The following GTF2E1 variants were observed in gnomAD, a reference collection of about 807,000 sequenced individuals.
GTF2E1 encodes general transcription factor IIE subunit 1, also known as TFIIE alpha subunit.
GTF2E1 carries 14 observed loss-of-function variants against 34.9 expected under a neutral mutation model. That is an observed-to-expected ratio of 0.40 (90% CI 0.27 to 0.63). The LOEUF (loss-of-function observed/expected upper bound fraction) is 0.63, where lower values mean the gene tolerates loss of function less well. Ranked by LOEUF, GTF2E1 falls within the 20% of genes least tolerant of loss-of-function variation. The pLI is 0.39. For missense variants in GTF2E1, 469 were observed against 557.7 expected, an observed-to-expected ratio of 0.84 and a Z score of 1.60; for synonymous variants, 188 against 192.9, an observed-to-expected ratio of 0.97 and a Z score of 0.21.
intron 2 of GTF2E1, among the ~76,000 whole-genome samples, chr3:120,759,497 T>C (rs1464433618): frequency 1.3e-5 from 2 of 152,158 alleles, no homozygotes; most frequent in Admixed American, 1.3e-4. Context: ...GGTGTTTTAG[T>C]CATGAAGTCT....
At chr3:120,768,094 G>T (rs1418752615) in intron 2 of GTF2E1, among the ~76,000 whole-genome samples, 1 of 152,042 alleles carries the variant, frequency 6.6e-6, no homozygotes, top group Non-Finnish European at 1.5e-5. Flanking sequence ...TTTAAAATTC[G>T]GGTATAACAT....
chr3:120,752,717 G>A (rs1709176168), intron 2 of GTF2E1, among the ~76,000 whole-genome samples: 2 of 152,136 alleles, frequency 1.3e-5, no homozygotes, highest in South Asian at 4.1e-4. Flanking sequence ...AGGAGTTAGG[G>A]TAGAGGGCAT....
At chr3:120,760,605 A>G (rs1178892029) in intron 2 of GTF2E1, among the ~76,000 whole-genome samples, 6 of 152,106 alleles carry the variant, frequency 3.9e-5, no homozygotes. Flanking sequence ...GTCCATCAAT[A>G]CCTAGTTTAT....
chr3:120,757,005 A>C (rs1709215559), intron 2 of GTF2E1, among the ~76,000 whole-genome samples: 1 of 152,044 alleles, frequency 6.6e-6, no homozygotes, highest in Non-Finnish European at 1.5e-5. Flanking sequence ...AAGCTAATTT[A>C]TTTGCTTATT....
chr3:120,771,367 C>T (rs955326859), intron 3 of GTF2E1, among the ~76,000 whole-genome samples: 1 of 152,014 alleles, frequency 6.6e-6, no homozygotes, highest in Non-Finnish European at 1.5e-5. Context: ...TTGCAACTTC[C>T]TTGAAAGTAA....
At chr3:120,758,787 A>G (rs559150135) in intron 2 of GTF2E1, among the ~76,000 whole-genome samples, 2 of 152,282 alleles carry the variant, frequency 1.3e-5, no homozygotes, top group South Asian at 2.1e-4. Flanking sequence ...TCCATGGTGT[A>G]TATGTGCCAC....
intron 2 of GTF2E1, among the ~76,000 whole-genome samples, chr3:120,754,895 A>G (rs1395366432): frequency 1.3e-5 from 2 of 152,182 alleles, no homozygotes; most frequent in African/African-American, 4.8e-5. Flanking sequence ...ATGTGGGTGC[A>G]CATGGACATG....
At chr3:120,757,750 A>G (rs773419168) in intron 2 of GTF2E1, among the ~76,000 whole-genome samples, 4 of 152,246 alleles carry the variant, frequency 2.6e-5, no homozygotes, top group African/African-American at 4.8e-5. Flanking sequence ...AAAGGACTTG[A>G]TAATGCTTTC....
At chr3:120,775,082 G>A (rs1263467587) in intron 3 of GTF2E1, among the ~76,000 whole-genome samples, 3 of 152,062 alleles carry the variant, frequency 2.0e-5, no homozygotes, top group South Asian at 2.1e-4. Context: ...TCAGATACAC[G>A]GACACAGACC....
intron 2 of GTF2E1, among the ~76,000 whole-genome samples, chr3:120,756,422 A>G (rs1299809571): frequency 6.7e-6 from 1 of 149,912 alleles, no homozygotes; most frequent in Admixed American, 6.6e-5. Flanking sequence ...GGGTTAGACA[A>G]TTATGCCACA....
intron 2 of GTF2E1, among the ~76,000 whole-genome samples, chr3:120,762,285 C>G (rs1011083486): frequency 6.6e-6 from 1 of 152,036 alleles, no homozygotes; most frequent in Non-Finnish European, 1.5e-5. Flanking sequence ...CCTTCTGTCT[C>G]GTTGATCTGT....
intron 2 of GTF2E1, among the ~76,000 whole-genome samples, chr3:120,751,652 A>G (rs1289847725): frequency 6.6e-6 from 1 of 152,230 alleles, no homozygotes; most frequent in African/African-American, 2.4e-5. Flanking sequence ...TGAAAATACA[A>G]TATGTCTAGC....
intron 4 of GTF2E1, among the ~76,000 whole-genome samples, chr3:120,777,106 A>C (rs900127729): frequency 7.2e-5 from 11 of 152,336 alleles, no homozygotes; most frequent in Admixed American, 6.5e-4. Context: ...AATAGATACA[A>C]AGAGACCACA....
chr3:120,745,397 G>C (rs1401373648), intron 1 of GTF2E1, among the ~76,000 whole-genome samples: 1 of 152,182 alleles, frequency 6.6e-6, no homozygotes, highest in Non-Finnish European at 1.5e-5. Flanking sequence ...TGAGCAATAA[G>C]TGGCACAGGG....
intron 2 of GTF2E1, among the ~76,000 whole-genome samples, chr3:120,760,118 T>G (rs1356790175): frequency 6.6e-6 from 1 of 152,192 alleles, no homozygotes; most frequent in Non-Finnish European, 1.5e-5. Context: ...CGTTGAGCAG[T>G]GGTTTGTAGT....
At chr3:120,757,519 A>T (rs1419100524) in intron 2 of GTF2E1, among the ~76,000 whole-genome samples, 1 of 152,168 alleles carries the variant, frequency 6.6e-6, no homozygotes, top group East Asian at 1.9e-4. Context: ...TTATAGGTAA[A>T]ATAATTAAAT....
At chr3:120,756,502 T>A (rs1709211039) in intron 2 of GTF2E1, among the ~76,000 whole-genome samples, 1 of 152,028 alleles carries the variant, frequency 6.6e-6, no homozygotes, top group Admixed American at 6.6e-5. Context: ...AGTTAAAATA[T>A]ATATAAAAAT....
chr3:120,747,882 C>A (rs1709122014), intron 1 of GTF2E1, among the ~76,000 whole-genome samples: 1 of 152,196 alleles, frequency 6.6e-6, no homozygotes, highest in South Asian at 2.1e-4. Context: ...AAAGTCTGTT[C>A]CTATTTCTCC....
At chr3:120,744,373 T>G (rs1023847443) in intron 1 of GTF2E1, among the ~76,000 whole-genome samples, 2 of 152,176 alleles carry the variant, frequency 1.3e-5, no homozygotes, top group African/African-American at 2.4e-5. Context: ...AATGCAGAGA[T>G]TTTGAACAAA....
Sources: gnomAD v4.1 joint callset for allele counts (sites outside exome capture counted in the v4.1 genomes callset) on GRCh38, gnomAD v4.1.1 for gene constraint, MANE v1.5 for transcripts, NCBI Gene and HGNC (gene_info 2026-07-23, HGNC 2026-07-21) for gene names.